The following PKNOX2 variants were observed in gnomAD, a reference collection of about 807,000 sequenced individuals.
PKNOX2 encodes the protein homeobox protein PKNOX2.
In PKNOX2, 14 loss-of-function variants were observed where a neutral mutation model predicts 53.1. The observed-to-expected ratio is 0.26, with a 90% CI of 0.17 to 0.41. PKNOX2 has a LOEUF of 0.41. Among genes scored for constraint, PKNOX2 ranks in the 10% least tolerant of loss-of-function variants. The pLI, the probability that PKNOX2 is intolerant of heterozygous loss-of-function variation, is 1.00. For synonymous variants in PKNOX2, 257 were observed against 242.8 expected, an observed-to-expected ratio of 1.06 and a Z score of -0.54; for missense variants, 496 against 602.8, an observed-to-expected ratio of 0.82 and a Z score of 1.85.
intron 2 of PKNOX2, among the ~76,000 whole-genome samples, chr11:125,276,950 T>C (rs1045127407): frequency 6.6e-6 from 1 of 152,064 alleles, no homozygotes; most frequent in African/African-American, 2.4e-5. Flanking sequence ...GCCCAGGTGG[T>C]CAGCATGGCA....
At chr11:125,334,512 C>T (rs1246950111) in intron 3 of PKNOX2, among the ~76,000 whole-genome samples, 1 of 151,924 alleles carries the variant, frequency 6.6e-6, no homozygotes, top group East Asian at 1.9e-4. Flanking sequence ...GGAACCAGAC[C>T]AACCTAGACT....
intron 3 of PKNOX2, among the ~76,000 whole-genome samples, chr11:125,346,433 C>T (rs117772289): frequency 1.3e-5 from 2 of 152,268 alleles, no homozygotes; most frequent in Non-Finnish European, 2.9e-5. Flanking sequence ...TTCTGCAGTC[C>T]GAGAGGGAAA....
intron 2 of PKNOX2, among the ~76,000 whole-genome samples, chr11:125,254,953 C>T (rs1944302983): frequency 6.6e-6 from 1 of 152,192 alleles, no homozygotes; most frequent in South Asian, 2.1e-4. Flanking sequence ...ACTTTACGCA[C>T]TTCTTAAACA....
At chr11:125,330,300 G>A (rs1950061576) in intron 2 of PKNOX2, 2 of 152,436 alleles carry the variant, frequency 1.3e-5, no homozygotes, top group South Asian at 2.1e-4. Flanking sequence ...AGAACCGGGA[G>A]TCGGTCACAG....
In PKNOX2 at chr11:125,367,858, G is replaced by C. The variant is rs769364727; in HGVS notation, c.100G>C (p.Ala34Pro). 6.2e-7 allele frequency: 1 copy of C among 1,611,354 alleles called. No homozygotes were observed. The highest frequency in any genetic ancestry group is 1.3e-5 in the African/African-American group (1 of 74,808). ...CTTCTCTCTGCAGATGACGGCAACC[G>C]CCCAGCCACCCTCCAAGGCCCAGGC... is the stretch of plus-strand genomic sequence containing the variant. Reference protein sequence around the residue: ...YQDSPQMTATAQPPSKAQAVH... With the variant: ...YQDSPQMTATPQPPSKAQAVH... Residue 34 changes from alanine to proline, a missense_variant, in exon 5 of 13, where the codon GCC becomes CCC. Physicochemically the swap from Ala to Pro is conservative, Grantham distance 27. Around this residue, in one of 5 missense-constraint regions of PKNOX2, gnomAD observed 168 missense variants for 178.4 expected, o/e 0.94. Transcript: ENST00000298282.
chr11:125,427,710 A>G (rs796747573), intron 10 of PKNOX2, among the ~76,000 whole-genome samples: 5 of 151,640 alleles, frequency 3.3e-5, no homozygotes, highest in African/African-American at 9.7e-5. Flanking sequence ...TTCTAATACC[A>G]CTCCAATCAA....
chr11:125,248,135 G>A (rs965302399), intron 2 of PKNOX2, among the ~76,000 whole-genome samples: 1 of 152,196 alleles, frequency 6.6e-6, no homozygotes, highest in Non-Finnish European at 1.5e-5. Flanking sequence ...ATTTGCAATA[G>A]ATGTTTCCCA....
At chr11:125,400,740 A>G (rs1176417317) in intron 7 of PKNOX2, among the ~76,000 whole-genome samples, 3 of 152,116 alleles carry the variant, frequency 2.0e-5, no homozygotes, top group African/African-American at 7.2e-5. Context: ...CCTGCACTCC[A>G]CTAACTGGTG....
At chr11:125,398,085 A>G (rs773877936) in intron 7 of PKNOX2, 23 bp downstream of exon 7, 1 of 1,593,446 alleles carries the variant, frequency 6.3e-7, no homozygotes, top group South Asian at 1.1e-5. Context: ...GCTGGGTCCC[A>G]TCTCTTAAGC....
intron 1 of PKNOX2, among the ~76,000 whole-genome samples, chr11:125,184,809 G>A (rs1956353539): frequency 6.6e-6 from 1 of 152,178 alleles, no homozygotes; most frequent in African/African-American, 2.4e-5. Context: ...ATCCTTAGTG[G>A]TAATAGGAAT....
At chr11:125,253,022 A>T (rs1455439124) in intron 2 of PKNOX2, among the ~76,000 whole-genome samples, 1 of 152,152 alleles carries the variant, frequency 6.6e-6, no homozygotes. Context: ...CTTCTAAGGG[A>T]GTTGTCATTG....
At position 125,410,814 on chromosome 11, in the gene PKNOX2, T is replaced by C. The variant is rs1955462747; in HGVS notation, c.754T>C (p.Ser252Pro). Residue 252 changes from serine (S) to proline (P), a missense_variant, in exon 9 of 13, where the codon TCC becomes CCC. Coordinates refer to ENST00000298282, the MANE Select transcript of PKNOX2 (RefSeq NM_001382323.2). ...ALYQPVTMVT[S>P]QGQVVTQAIP... ...ATACCAACCGGTTACCATGGTAACC[T>C]CCCAGGGTCAGGTGGTCACCCAAGC... 1 of 1,614,040 alleles carries C rather than the reference T, an allele frequency of 6.2e-7. No individual in the cohort carries two copies. Among genetic ancestry groups the C allele is most frequent in the Middle Eastern group, 1.7e-4 (1 of 6,060 alleles).
At position 125,339,778 on chromosome 11, in the gene PKNOX2, G is replaced by A. The variant is rs76658438; in HGVS notation, c.-23+7853G>A. 2.7e-3 allele frequency among the ~76,000 whole-genome samples: 404 copies of A among 152,330 alleles called. No homozygotes were observed. The East Asian group carries it at 0.03, about 11-fold the overall frequency. ...TTTCGTATGTGCCCCATGCGTTCCC[G>A]GAGCTCTGCTCCCAGACAGCTACGA... On this transcript the variant is annotated intron_variant, in intron 3 of 12. Coordinates refer to ENST00000298282, the MANE Select transcript of PKNOX2 (RefSeq NM_001382323.2).
intron 2 of PKNOX2, among the ~76,000 whole-genome samples, chr11:125,268,965 G>A (rs1304233347): frequency 6.9e-6 from 1 of 144,544 alleles, no homozygotes; most frequent in Non-Finnish European, 1.5e-5. Flanking sequence ...GTGCCATGGG[G>A]GTGGGGTGGA....
intron 2 of PKNOX2, among the ~76,000 whole-genome samples, chr11:125,314,297 A>G (rs962971695): frequency 6.6e-6 from 1 of 151,970 alleles, no homozygotes; most frequent in African/African-American, 2.4e-5. Flanking sequence ...CTGCGACATC[A>G]CTTGCTCGCA....
chr11:125,282,081 T>C (rs534189793), intron 2 of PKNOX2, among the ~76,000 whole-genome samples: 1 of 152,302 alleles, frequency 6.6e-6, no homozygotes, highest in Non-Finnish European at 1.5e-5. Flanking sequence ...ATGCCGCTTT[T>C]CTTCTCTGGG....
intron 1 of PKNOX2, among the ~76,000 whole-genome samples, chr11:125,209,891 T>A (rs527940172): frequency 6.6e-6 from 1 of 152,192 alleles, no homozygotes; most frequent in South Asian, 2.1e-4. Flanking sequence ...TGGTCTCTGC[T>A]GCAGTTCTGG....
chr11:125,360,977 A>G (rs1362935682), intron 4 of PKNOX2, among the ~76,000 whole-genome samples: 1 of 152,166 alleles, frequency 6.6e-6, no homozygotes, highest in Non-Finnish European at 1.5e-5. Context: ...GCTCTGTCCC[A>G]TTGTTTCCAG....
At chr11:125,358,180 C>A (rs1029160409) in intron 4 of PKNOX2, among the ~76,000 whole-genome samples, 1 of 152,196 alleles carries the variant, frequency 6.6e-6, no homozygotes, top group Non-Finnish European at 1.5e-5. Flanking sequence ...TGGGATTTAA[C>A]CTTAATTACT....
Sources: allele counts gnomAD v4.1 joint callset (sites outside exome capture counted in the v4.1 genomes callset), GRCh38; gene constraint gnomAD v4.1.1; regional missense constraint gnomAD v4.1.1; transcripts MANE v1.5; gene names NCBI Gene and HGNC (gene_info 2026-07-23, HGNC 2026-07-21).